The following ITPR1 variants were observed in gnomAD, a reference collection of about 807,000 sequenced individuals.
The protein encoded by ITPR1 is inositol 1,4,5-trisphosphate-gated calcium channel ITPR1.
In ITPR1, 96 loss-of-function variants were observed where a neutral mutation model predicts 318.4. The ratio of observed to expected loss-of-function variants is 0.30; its 90% CI spans 0.26 to 0.36. The LOEUF (loss-of-function observed/expected upper bound fraction) is 0.36. Among genes scored for constraint, ITPR1 ranks in the 10% least tolerant of loss-of-function variants. The pLI is 1.00. For synonymous variants in ITPR1, 1,312 were observed against 1,289.9 expected (o/e 1.02, Z -0.37); for missense variants, 2,440 against 3,460.2 (o/e 0.71, Z 7.40).
chr3:4,595,253 G>A (rs556941543), intron 4 of ITPR1, among the ~76,000 whole-genome samples: 2 of 152,270 alleles, frequency 1.3e-5, no homozygotes, highest in South Asian at 2.1e-4. Context: ...GCATCTGCTC[G>A]GCTTCTGGGG....
At chr3:4,659,501 T>G (rs970263664) in intron 13 of ITPR1, among the ~76,000 whole-genome samples, 14 of 151,956 alleles carry the variant, frequency 9.2e-5, no homozygotes, top group Admixed American at 4.6e-4. Context: ...CTGGACAACA[T>G]GACAAAACCC....
chr3:4,654,649 C>T (rs1336006275), intron 12 of ITPR1, among the ~76,000 whole-genome samples: 1 of 152,176 alleles, frequency 6.6e-6, no homozygotes, highest in Admixed American at 6.5e-5. Flanking sequence ...ACGATGATCT[C>T]AGCAGTGGGC....
At chr3:4,647,852 G>T (rs1259684885) in intron 10 of ITPR1, among the ~76,000 whole-genome samples, 1 of 152,222 alleles carries the variant, frequency 6.6e-6, no homozygotes, top group Admixed American at 6.5e-5. Flanking sequence ...TAACATGGAT[G>T]TTGTAAGAAT....
intron 4 of ITPR1, among the ~76,000 whole-genome samples, chr3:4,552,341 G>A (rs2085651443): frequency 6.6e-6 from 1 of 152,156 alleles, no homozygotes; most frequent in Non-Finnish European, 1.5e-5. Context: ...CTGGGCCTCT[G>A]GAACGTCTGA....
intron 5 of ITPR1, among the ~76,000 whole-genome samples, chr3:4,633,407 A>T (rs2093077856): frequency 1.3e-5 from 2 of 152,168 alleles, no homozygotes; most frequent in South Asian, 4.1e-4. Flanking sequence ...TTTGGAACTG[A>T]TGGCCAGTCT....
At chr3:4,613,581 G>A (rs114911504) in intron 4 of ITPR1, among the ~76,000 whole-genome samples, 2,985 of 152,212 alleles carry the variant, frequency 0.02, 77 homozygotes, top group African/African-American at 0.065. Context: ...AGTCGGTGAT[G>A]TCATCTCTCT....
At chr3:4,618,849 A>G (rs539330224) in intron 4 of ITPR1, among the ~76,000 whole-genome samples, 3 of 152,228 alleles carry the variant, frequency 2.0e-5, no homozygotes, top group Non-Finnish European at 1.5e-5. Context: ...CATATTAAGC[A>G]TACTGTCTCG....
chr3:4,647,983 C>G (rs1390759178), intron 10 of ITPR1, among the ~76,000 whole-genome samples: 1 of 152,108 alleles, frequency 6.6e-6, no homozygotes, highest in East Asian at 1.9e-4. Flanking sequence ...GAAACCCTGT[C>G]TCTACTAAAA....
chr3:4,671,046 T>A, intron 20 of ITPR1, 120 bp downstream of exon 20: 1 of 724,008 alleles, frequency 1.4e-6, no homozygotes, highest in Non-Finnish European at 2.1e-6. Context: ...TAAGATTGTC[T>A]AGAAAAAAGC....
chr3:4,828,896 A>C (rs2050253625), intron 60 of ITPR1, among the ~76,000 whole-genome samples: 1 of 152,198 alleles, frequency 6.6e-6, no homozygotes, highest in South Asian at 2.1e-4. Flanking sequence ...GATACCCTTC[A>C]TGTGGCTTAG....
At chr3:4,704,083 C>A (rs760577097) in intron 36 of ITPR1, among the ~76,000 whole-genome samples, 14 of 152,106 alleles carry the variant, frequency 9.2e-5, no homozygotes, top group Non-Finnish European at 1.8e-4. Context: ...AGATGGGGGA[C>A]TACTAGAGGG....
At chr3:4,835,940 T>C (rs1225062299) in intron 60 of ITPR1, among the ~76,000 whole-genome samples, 1 of 152,044 alleles carries the variant, frequency 6.6e-6, no homozygotes, top group Non-Finnish European at 1.5e-5. Context: ...CCAGCACCCA[T>C]CAACCACTTC....
intron 4 of ITPR1, among the ~76,000 whole-genome samples, chr3:4,597,634 G>A (rs2090948660): frequency 6.6e-6 from 1 of 152,212 alleles, no homozygotes; most frequent in South Asian, 2.1e-4. Context: ...CTAGGCACCA[G>A]GGAGTGTGCA....
At chr3:4,816,154 T>A (rs2049288386) in intron 59 of ITPR1, 1 of 152,178 alleles carries the variant, frequency 6.6e-6, no homozygotes, top group South Asian at 2.1e-4. Context: ...GATCCAATAC[T>A]GTTATCTCAT....
chr3:4,752,476 C>T (rs1181635178), intron 44 of ITPR1, among the ~76,000 whole-genome samples: 1 of 152,188 alleles, frequency 6.6e-6, no homozygotes, highest in Non-Finnish European at 1.5e-5. Context: ...GTAGAGGTGA[C>T]AACACCACAT....
At chr3:4,635,639 C>G (rs1368701108) in intron 5 of ITPR1, among the ~76,000 whole-genome samples, 2 of 152,110 alleles carry the variant, frequency 1.3e-5, no homozygotes, top group East Asian at 3.9e-4. Context: ...GCCACTGCGC[C>G]CAGCCAAAAG....
intron 60 of ITPR1, among the ~76,000 whole-genome samples, chr3:4,824,541 G>A (rs1449400953): frequency 6.6e-6 from 1 of 152,166 alleles, no homozygotes; most frequent in Non-Finnish European, 1.5e-5. Flanking sequence ...TGCAGCCATT[G>A]GCTGGCTGGC....
chr3:4,699,997 C>T, intron 35 of ITPR1, 56 bp downstream of exon 35: 2 of 1,546,020 alleles, frequency 1.3e-6, no homozygotes, highest in Admixed American at 1.7e-5. Flanking sequence ...TGCAGTTGGG[C>T]TTGATGTGAA....
chr3:4,636,541 G>A (rs1028394550), intron 5 of ITPR1, among the ~76,000 whole-genome samples: 3 of 152,166 alleles, frequency 2.0e-5, no homozygotes, highest in African/African-American at 7.2e-5. Context: ...TGATTCTCCT[G>A]CCTCAGCCTC....
Sources: gnomAD v4.1 joint callset for allele counts (sites outside exome capture counted in the v4.1 genomes callset) on GRCh38, gnomAD v4.1.1 for gene constraint, MANE v1.5 for transcripts, NCBI Gene and HGNC (gene_info 2026-07-23, HGNC 2026-07-21) for gene names.